The following LRRC4C variants were observed in gnomAD, a reference collection of about 807,000 sequenced individuals.
The protein encoded by LRRC4C is leucine-rich repeat-containing protein 4C.
LRRC4C carries 5 observed loss-of-function variants against 33.6 expected under a neutral mutation model. The ratio of observed to expected loss-of-function variants is 0.15; its 90% CI spans 0.08 to 0.31. The LOEUF (loss-of-function observed/expected upper bound fraction) is 0.31. Among genes scored for constraint, LRRC4C ranks in the 10% least tolerant of loss-of-function variants. The pLI is 1.00. For synonymous variants in LRRC4C, 329 were observed against 302.0 expected, an observed-to-expected ratio of 1.09 and a Z score of -0.93; for missense variants, 560 against 796.7, an observed-to-expected ratio of 0.70 and a Z score of 3.58.
At chr11:40,981,821 T>C (rs1852564132) in intron 1 of LRRC4C, among the ~76,000 whole-genome samples, 1 of 152,212 alleles carries the variant, frequency 6.6e-6, no homozygotes, top group Non-Finnish European at 1.5e-5. Flanking sequence ...GCCAAGGTGA[T>C]AATATCAGCA....
At chr11:41,028,887 C>A (rs1856550720) in intron 1 of LRRC4C, among the ~76,000 whole-genome samples, 1 of 151,348 alleles carries the variant, frequency 6.6e-6, no homozygotes, top group Admixed American at 6.6e-5. Flanking sequence ...CCTCTGATGT[C>A]CATAGAGAAG....
intron 1 of LRRC4C, among the ~76,000 whole-genome samples, chr11:41,115,576 G>A (rs987522214): frequency 1.3e-5 from 2 of 151,946 alleles, no homozygotes; most frequent in African/African-American, 2.4e-5. Context: ...GTTCATTTGC[G>A]ATGGGAAAAA....
intron 1 of LRRC4C, among the ~76,000 whole-genome samples, chr11:41,310,401 T>C (rs1950613667): frequency 6.6e-6 from 1 of 152,226 alleles, no homozygotes; most frequent in African/African-American, 2.4e-5. Flanking sequence ...AGTTAGAGAC[T>C]GGATTTAGAG....
intron 4 of LRRC4C, among the ~76,000 whole-genome samples, chr11:40,262,278 T>C (rs553319151): frequency 6.6e-5 from 10 of 152,074 alleles, no homozygotes; most frequent in African/African-American, 2.2e-4. Context: ...AACAAGATTA[T>C]TATTATACCA....
intron 3 of LRRC4C, among the ~76,000 whole-genome samples, chr11:40,405,096 C>G (rs1949910957): frequency 6.6e-6 from 1 of 151,932 alleles, no homozygotes; most frequent in Admixed American, 6.6e-5. Flanking sequence ...TGCCCCAACC[C>G]CAACCCTGGT....
chr11:40,729,781 C>G (rs1018862835), intron 2 of LRRC4C, among the ~76,000 whole-genome samples: 1 of 152,008 alleles, frequency 6.6e-6, no homozygotes, highest in African/African-American at 2.4e-5. Context: ...AGTAGATAAA[C>G]CTATGTTTTT....
At chr11:40,236,944 T>C (rs1865605501) in intron 5 of LRRC4C, among the ~76,000 whole-genome samples, 1 of 152,246 alleles carries the variant, frequency 6.6e-6, no homozygotes, top group Non-Finnish European at 1.5e-5. Flanking sequence ...TAAAAACAAA[T>C]GTGCAGAGCT....
intron 5 of LRRC4C, among the ~76,000 whole-genome samples, chr11:40,163,755 T>A (rs1279429668): frequency 6.6e-6 from 1 of 152,196 alleles, no homozygotes; most frequent in East Asian, 1.9e-4. Flanking sequence ...AAGATGACCC[T>A]GAGCCACACC....
chr11:41,137,661 T>C (rs997657994), intron 1 of LRRC4C, among the ~76,000 whole-genome samples: 1 of 152,148 alleles, frequency 6.6e-6, no homozygotes, highest in Admixed American at 6.5e-5. Flanking sequence ...CAGATCTCTT[T>C]AGATAAAAAG....
intron 1 of LRRC4C, among the ~76,000 whole-genome samples, chr11:41,364,766 C>G (rs1016544351): frequency 2.0e-5 from 3 of 152,082 alleles, no homozygotes; most frequent in Admixed American, 1.3e-4. Flanking sequence ...GTGTCTGAGT[C>G]AAAATGAACC....
intron 3 of LRRC4C, among the ~76,000 whole-genome samples, chr11:40,561,573 C>A (rs916807244): frequency 6.6e-6 from 1 of 151,884 alleles, no homozygotes; most frequent in Non-Finnish European, 1.5e-5. Flanking sequence ...CCACCACGCC[C>A]GGCTAATTTT....
chr11:40,904,281 C>T (rs753942289), intron 2 of LRRC4C, among the ~76,000 whole-genome samples: 17 of 152,226 alleles, frequency 1.1e-4, no homozygotes, highest in East Asian at 1.9e-4. Context: ...CCAGAGAAGT[C>T]GTAGGTCACA....
intron 2 of LRRC4C, among the ~76,000 whole-genome samples, chr11:40,678,691 C>T (rs188406143): frequency 4.6e-5 from 7 of 152,186 alleles, no homozygotes; most frequent in African/African-American, 1.4e-4. Context: ...CTTTGCCCGC[C>T]GCCACGTAAG....
chr11:41,367,371 T>C (rs1421399900), intron 1 of LRRC4C, among the ~76,000 whole-genome samples: 1 of 152,144 alleles, frequency 6.6e-6, no homozygotes, highest in Non-Finnish European at 1.5e-5. Context: ...CCTACTATGT[T>C]AGAATCTTGG....
intron 2 of LRRC4C, among the ~76,000 whole-genome samples, chr11:40,742,636 G>A (rs369358737): frequency 6.6e-6 from 1 of 151,938 alleles, no homozygotes; most frequent in Non-Finnish European, 1.5e-5. Flanking sequence ...GGCAGCTGAT[G>A]GTTATAATCC....
At chr11:41,258,433 A>G (rs1948871962) in intron 1 of LRRC4C, among the ~76,000 whole-genome samples, 2 of 152,000 alleles carry the variant, frequency 1.3e-5, no homozygotes, top group Admixed American at 1.3e-4. Context: ...CAACACAAAC[A>G]GATCTGATAT....
At chr11:41,429,610 C>G (rs1174319389) in intron 1 of LRRC4C, among the ~76,000 whole-genome samples, 1 of 152,000 alleles carries the variant, frequency 6.6e-6, no homozygotes, top group Non-Finnish European at 1.5e-5. Flanking sequence ...ATGTGAAAAA[C>G]CTGGCTTGTT....
At chr11:40,326,787 C>A (rs1305491228) in intron 3 of LRRC4C, among the ~76,000 whole-genome samples, 1 of 152,144 alleles carries the variant, frequency 6.6e-6, no homozygotes, top group East Asian at 1.9e-4. Context: ...GCAATGGAAT[C>A]TTCTAAGATA....
chr11:41,275,260 T>A (rs1298763961), intron 1 of LRRC4C, among the ~76,000 whole-genome samples: 1 of 152,104 alleles, frequency 6.6e-6, no homozygotes, highest in African/African-American at 2.4e-5. Context: ...CAAGTATTTC[T>A]TCATAGTAAT....
Sources: gnomAD v4.1 joint callset for allele counts (sites outside exome capture counted in the v4.1 genomes callset) on GRCh38, gnomAD v4.1.1 for gene constraint, MANE v1.5 for transcripts, NCBI Gene and HGNC (gene_info 2026-07-23, HGNC 2026-07-21) for gene names.